Variants in LYRM4 observed in about 807,000 individuals in gnomAD.
The protein encoded by LYRM4 is LYR motif-containing protein 4.
In LYRM4, 9 loss-of-function variants were observed where a neutral mutation model predicts 11.7. That is an observed-to-expected ratio of 0.77 (90% CI 0.46 to 1.34). The LOEUF (loss-of-function observed/expected upper bound fraction) is 1.34, where lower values mean the gene tolerates loss of function less well. Ranked by LOEUF, LYRM4 falls within the 40% of genes most tolerant of loss-of-function variation. The pLI, the probability that LYRM4 is intolerant of heterozygous loss-of-function variation, is 0.00. For missense variants in LYRM4, 133 were observed against 112.5 expected, an observed-to-expected ratio of 1.18 and a Z score of -0.82; for synonymous variants, 42 against 40.4, an observed-to-expected ratio of 1.04 and a Z score of -0.15.
At chr6:5,161,507 G>A (rs1191936750) in intron 2 of LYRM4, among the ~76,000 whole-genome samples, 3 of 152,130 alleles carry the variant, frequency 2.0e-5, no homozygotes, top group Non-Finnish European at 4.4e-5. Flanking sequence ...AAGCAGTATA[G>A]TACAAAATAT....
intron 1 of LYRM4, among the ~76,000 whole-genome samples, chr6:5,228,927 C>T (rs969302179): frequency 4.7e-5 from 7 of 148,886 alleles, no homozygotes; most frequent in Non-Finnish European, 7.4e-5. Context: ...TGGCGTGAAC[C>T]CGGGAGACAG....
Position 5,182,829 on chromosome 6 carries a change from A to AT in LYRM4, c.207+33788dup, listed in dbSNP as rs544137111. On this transcript the variant is annotated intron_variant, in intron 2 of 2. Transcript: ENST00000330636. ...TGCTTGACATTCATGGACCTTCTAT[A>AT]TTTTTTTAGCTGAAATGCATCAGTT... Among the ~76,000 whole-genome samples the AT allele has an allele frequency of 1.8e-4, 27 of 152,254 alleles. No individual in the cohort carries two copies. In the South Asian group the frequency reaches 3.7e-3, roughly 21 times the overall value.
At chr6:5,066,403 T>C in the LYRM4 span, 1 of 740,414 alleles carries the variant, frequency 1.4e-6, no homozygotes, top group Non-Finnish European at 2.5e-6. Flanking sequence ...CTTGAGAACA[T>C]TCTAGTTACT....
the LYRM4 span, among the ~76,000 whole-genome samples, chr6:5,057,220 G>A: frequency 1.3e-5 from 2 of 152,000 alleles, no homozygotes; most frequent in African/African-American, 2.4e-5. Flanking sequence ...GAGACCTGGG[G>A]GCCCACGAGC....
chr6:5,037,586 C>A, the LYRM4 span, among the ~76,000 whole-genome samples: 1 of 83,108 alleles, frequency 1.2e-5, no homozygotes, highest in African/African-American at 3.5e-5. Context: ...GTAGGGGCGG[C>A]CGGGCAGAGG....
At chr6:5,247,593 T>C (rs903332599) in intron 1 of LYRM4, among the ~76,000 whole-genome samples, 3 of 152,192 alleles carry the variant, frequency 2.0e-5, no homozygotes, top group African/African-American at 7.2e-5. Context: ...AAAACATGTA[T>C]AAAATCCTTA....
chr6:5,120,830 G>C (rs1227497411), intron 2 of LYRM4, among the ~76,000 whole-genome samples: 1 of 152,170 alleles, frequency 6.6e-6, no homozygotes, highest in Non-Finnish European at 1.5e-5. Context: ...TTTTTACAGA[G>C]CACTGATTGG....
At chr6:5,092,642 CG>C in the LYRM4 span, among the ~76,000 whole-genome samples, 1 of 152,104 alleles carries the variant, frequency 6.6e-6, no homozygotes, top group Admixed American at 6.6e-5. Flanking sequence ...CCCTTGAACC[CG>C]GGAAGCAGAG....
intron 1 of LYRM4, among the ~76,000 whole-genome samples, chr6:5,230,298 C>T (rs554594994): frequency 9.8e-5 from 15 of 152,300 alleles, no homozygotes; most frequent in African/African-American, 3.1e-4. Context: ...GGGGAAAAAA[C>T]GCACTTTCCT....
the LYRM4 span, among the ~76,000 whole-genome samples, chr6:5,093,132 C>T: frequency 2.0e-5 from 3 of 152,206 alleles, no homozygotes; most frequent in Non-Finnish European, 4.4e-5. Context: ...AAAACCCCAC[C>T]TGAACTAGAT....
chr6:5,077,189 G>A, the LYRM4 span, among the ~76,000 whole-genome samples: 272 of 152,306 alleles, frequency 1.8e-3, 1 homozygote, highest in Non-Finnish European at 2.9e-3. Context: ...CAGCCACGCC[G>A]TCTACTCCAC....
At chr6:5,162,812 T>G (rs1413487004) in intron 2 of LYRM4, among the ~76,000 whole-genome samples, 1 of 152,232 alleles carries the variant, frequency 6.6e-6, no homozygotes, top group African/African-American at 2.4e-5. Flanking sequence ...ATAGTTGAAT[T>G]ACATACATAT....
intron 2 of LYRM4, among the ~76,000 whole-genome samples, chr6:5,146,031 A>G (rs1255028520): frequency 6.6e-6 from 1 of 152,200 alleles, no homozygotes; most frequent in African/African-American, 2.4e-5. Context: ...CCTCTAGCAT[A>G]TATATACATT....
the LYRM4 span, chr6:5,085,505 G>A: frequency 1.3e-6 from 2 of 1,537,000 alleles, no homozygotes; most frequent in Admixed American, 3.9e-5. Flanking sequence ...ATAGGGGCGC[G>A]GCTAAGTTTG....
chr6:5,247,792 C>T (rs984556751), intron 1 of LYRM4, among the ~76,000 whole-genome samples: 1 of 151,654 alleles, frequency 6.6e-6, no homozygotes, highest in Admixed American at 6.6e-5. Context: ...AGCAGCCATC[C>T]ATTAAATAAA....
intron 1 of LYRM4, chr6:5,218,495 A>G: frequency 2.1e-6 from 1 of 479,724 alleles, no homozygotes; most frequent in Non-Finnish European, 2.7e-6. Context: ...GTCTATTTGC[A>G]TTTAAAAGCA....
At chr6:5,032,479 A>T in the LYRM4 span, 1 of 152,216 alleles carries the variant, frequency 6.6e-6, no homozygotes, top group Non-Finnish European at 1.5e-5. Context: ...TTACAGCAAA[A>T]TTTGTTAAAT....
At chr6:5,074,082 C>T in the LYRM4 span, among the ~76,000 whole-genome samples, 1 of 152,234 alleles carries the variant, frequency 6.6e-6, no homozygotes, top group Non-Finnish European at 1.5e-5. Context: ...TTATTTGTCC[C>T]TAATTCACCT....
At chr6:5,227,092 G>A (rs1207283144) in intron 1 of LYRM4, among the ~76,000 whole-genome samples, 1 of 152,204 alleles carries the variant, frequency 6.6e-6, no homozygotes, top group Non-Finnish European at 1.5e-5. Context: ...TATATTTTTA[G>A]ACCGTTTATT....
Sources: allele counts gnomAD v4.1 joint callset (sites outside exome capture counted in the v4.1 genomes callset), GRCh38; gene constraint gnomAD v4.1.1; transcripts MANE v1.5; gene names NCBI Gene and HGNC (gene_info 2026-07-23, HGNC 2026-07-21).